The following EYA2 variants were observed in gnomAD, a reference collection of about 807,000 sequenced individuals.
EYA2 encodes protein phosphatase EYA2.
In EYA2, 31 loss-of-function variants were observed where a neutral mutation model predicts 69.2. The observed-to-expected ratio is 0.45, with a 90% CI of 0.34 to 0.60. The LOEUF (loss-of-function observed/expected upper bound fraction) is 0.60, where lower values mean the gene tolerates loss of function less well. Among genes scored for constraint, EYA2 ranks in the 20% least tolerant of loss-of-function variants. EYA2 has a pLI of 0.02. For missense variants in EYA2, 622 were observed against 701.2 expected (o/e 0.89, Z 1.28); for synonymous variants, 257 against 279.4 (o/e 0.92, Z 0.80).
chr20:47,126,085 AAC>A (rs1004804432), intron 9 of EYA2, among the ~76,000 whole-genome samples: 3 of 152,246 alleles, frequency 2.0e-5, no homozygotes, highest in African/African-American at 7.2e-5. Flanking sequence ...ACTTTGCAGC[AAC>A]AGTCTGCAAG....
chr20:46,950,274 AC>A (rs1163424600), intron 1 of EYA2, among the ~76,000 whole-genome samples: 1 of 152,102 alleles, frequency 6.6e-6, no homozygotes, highest in African/African-American at 2.4e-5. Flanking sequence ...CTGCAGGGGG[AC>A]CTTGCAGCGA....
intron 2 of EYA2, among the ~76,000 whole-genome samples, chr20:46,991,497 C>G (rs1180602256): frequency 6.6e-6 from 1 of 152,216 alleles, no homozygotes; most frequent in Non-Finnish European, 1.5e-5. Context: ...CATTGTCACT[C>G]TCCTCTGAAC....
At chr20:46,900,311 C>T (rs967698301) in intron 1 of EYA2, among the ~76,000 whole-genome samples, 14 of 152,174 alleles carry the variant, frequency 9.2e-5, no homozygotes, top group African/African-American at 3.1e-4. Context: ...TGTCTCGCGT[C>T]AGCTAAATCT....
intron 1 of EYA2, among the ~76,000 whole-genome samples, chr20:46,939,653 A>G (rs1986072559): frequency 6.6e-6 from 1 of 152,210 alleles, no homozygotes; most frequent in Admixed American, 6.5e-5. Flanking sequence ...CACAGAAACT[A>G]ATTTGCAGTA....
chr20:46,924,801 C>G (rs1193207091), intron 1 of EYA2, among the ~76,000 whole-genome samples: 1 of 151,466 alleles, frequency 6.6e-6, no homozygotes, highest in East Asian at 1.9e-4. Flanking sequence ...ATCTTCAGAA[C>G]TTGGAAGAAT....
intron 8 of EYA2, among the ~76,000 whole-genome samples, chr20:47,092,403 G>GT (rs1448946165): frequency 6.6e-6 from 1 of 152,194 alleles, no homozygotes; most frequent in Non-Finnish European, 1.5e-5. Flanking sequence ...AATCCCTTCA[G>GT]TGGGTTTAGG....
intron 7 of EYA2, among the ~76,000 whole-genome samples, chr20:47,083,327 A>G (rs1316253555): frequency 6.6e-6 from 1 of 152,240 alleles, no homozygotes; most frequent in Non-Finnish European, 1.5e-5. Flanking sequence ...CTGTAATCCC[A>G]GCATTTTGGG....
intron 5 of EYA2, among the ~76,000 whole-genome samples, chr20:47,024,696 G>A (rs1443052444): frequency 1.3e-5 from 2 of 152,210 alleles, no homozygotes; most frequent in Non-Finnish European, 2.9e-5. Context: ...TCCCTTCTTG[G>A]AAACTCTATC....
chr20:46,917,071 T>A (rs1228623224), intron 1 of EYA2, among the ~76,000 whole-genome samples: 1 of 152,192 alleles, frequency 6.6e-6, no homozygotes, highest in Admixed American at 6.5e-5. Flanking sequence ...AAATAATTGA[T>A]CCTTACCATG....
intron 5 of EYA2, among the ~76,000 whole-genome samples, chr20:47,057,116 G>A (rs1450996502): frequency 1.5e-5 from 2 of 130,556 alleles, no homozygotes; most frequent in African/African-American, 5.7e-5. Flanking sequence ...GGGAGGGAGG[G>A]AAGGAAGAAG....
At chr20:47,059,371 T>C (rs992998319) in intron 5 of EYA2, among the ~76,000 whole-genome samples, 3 of 152,210 alleles carry the variant, frequency 2.0e-5, no homozygotes, top group African/African-American at 7.2e-5. Flanking sequence ...TGTTTGTGTG[T>C]TGACATGGAG....
At chr20:46,946,232 A>G (rs182642875) in intron 1 of EYA2, among the ~76,000 whole-genome samples, 13 of 152,204 alleles carry the variant, frequency 8.5e-5, no homozygotes, top group East Asian at 3.9e-4. Flanking sequence ...TTCCCTCCCT[A>G]CTTCTAAGCT....
Position 47,015,123 on chromosome 20 carries a change from T to C in EYA2, c.299-1058T>C, listed in dbSNP as rs1206803. On this transcript the variant is annotated intron_variant, in intron 4 of 15. Transcript: ENST00000327619. The stretch of plus-strand genomic sequence containing the variant: ...TGCACAGAACCTGTCTGGAAGTGAA[T>C]TGTGTTCCATAAAGCTGGTAATCGT... Among the ~76,000 whole-genome samples, 283 of 152,218 alleles carry C rather than the reference T, an allele frequency of 1.9e-3. 2 individuals are homozygous for C. The Middle Eastern group carries it at 0.024, about 13-fold the overall frequency.
intron 9 of EYA2, among the ~76,000 whole-genome samples, chr20:47,125,424 G>A (rs531686337): frequency 5.5e-4 from 83 of 152,070 alleles, no homozygotes; most frequent in Non-Finnish European, 1.0e-3. Flanking sequence ...CAAAACTGTC[G>A]AAGAAGCCAA....
rs775366056 is a variant in EYA2, at chr20:47,187,994, C to T, written c.1537-59C>T. The T allele has an allele frequency of 1.6e-5, 25 of 1,524,520 alleles. No homozygotes were observed. In the African/African-American group the frequency reaches 1.8e-4, roughly 11 times the overall value. 94.4% of individuals were successfully genotyped at this position (1,524,520 alleles called of 1,614,324 possible). A position where few individuals can be genotyped will look rare whatever the true frequency, so the allele number is the denominator to read the frequency against. On this transcript the variant is annotated intron_variant, in intron 15 of 15. Transcript: ENST00000327619. ...TTCTCACATGCCCTCTAACCACAGG[C>T]GTGGAACCCGGGGGCAGGGGCGGGG... is the stretch of plus-strand genomic sequence containing the variant.
intron 15 of EYA2, among the ~76,000 whole-genome samples, chr20:47,185,474 G>A (rs191573067): frequency 7.9e-5 from 12 of 151,722 alleles, no homozygotes; most frequent in Admixed American, 7.2e-4. Flanking sequence ...CTAATTTTTT[G>A]TAATTTTAAT....
intron 1 of EYA2, among the ~76,000 whole-genome samples, chr20:46,945,965 G>A (rs1006901070): frequency 2.6e-5 from 4 of 152,150 alleles, no homozygotes; most frequent in Admixed American, 6.5e-5. Context: ...TGTGGGATCC[G>A]GTGTGCCTGG....
intron 9 of EYA2, among the ~76,000 whole-genome samples, chr20:47,118,518 T>C (rs1001702411): frequency 1.3e-5 from 2 of 151,826 alleles, no homozygotes; most frequent in Non-Finnish European, 2.9e-5. Context: ...AGGTGTTGGA[T>C]GGGGGTGGTA....
intron 1 of EYA2, among the ~76,000 whole-genome samples, chr20:46,957,038 G>T (rs1262685042): frequency 6.6e-6 from 1 of 152,184 alleles, no homozygotes; most frequent in Non-Finnish European, 1.5e-5. Context: ...GATTTGGGTG[G>T]GGACACAGAG....
Sources: gnomAD v4.1 joint callset for allele counts (sites outside exome capture counted in the v4.1 genomes callset) on GRCh38, gnomAD v4.1.1 for gene constraint, MANE v1.5 for transcripts, NCBI Gene and HGNC (gene_info 2026-07-23, HGNC 2026-07-21) for gene names.